The following EIF4E3 variants were observed in gnomAD, a reference collection of about 807,000 sequenced individuals.
The protein encoded by EIF4E3 is eukaryotic translation initiation factor 4E type 3.
A neutral mutation model predicts 31.7 loss-of-function variants in EIF4E3; 26 were observed. The ratio of observed to expected loss-of-function variants is 0.82; its 90% CI spans 0.60 to 1.14. The LOEUF is 1.14. EIF4E3 is among the 50% of genes most tolerant of loss of function. The pLI is 0.00. For synonymous variants in EIF4E3, 128 were observed against 107.7 expected, an observed-to-expected ratio of 1.19 and a Z score of -1.17; for missense variants, 304 against 270.9, an observed-to-expected ratio of 1.12 and a Z score of -0.86.
chr3:71,663,781 A>G, the EIF4E3 span, among the ~76,000 whole-genome samples: 1 of 152,134 alleles, frequency 6.6e-6, no homozygotes, highest in East Asian at 1.9e-4. Flanking sequence ...ACTTACTATG[A>G]CCCAGCCATG....
At chr3:71,749,907 T>C (rs2049909866) in intron 1 of EIF4E3, among the ~76,000 whole-genome samples, 1 of 152,184 alleles carries the variant, frequency 6.6e-6, no homozygotes, top group African/African-American at 2.4e-5. Context: ...TCCTGGCCAA[T>C]GAAATGTGAA....
At chr3:71,686,624 C>T (rs929668333) in intron 6 of EIF4E3, among the ~76,000 whole-genome samples, 106 of 151,610 alleles carry the variant, frequency 7.0e-4, no homozygotes, top group African/African-American at 2.2e-3. Flanking sequence ...GAAGAAAACA[C>T]GCTTTGATCT....
intron 1 of EIF4E3, among the ~76,000 whole-genome samples, chr3:71,741,854 T>C (rs1163996467): frequency 6.6e-6 from 1 of 152,164 alleles, no homozygotes; most frequent in Admixed American, 6.5e-5. Flanking sequence ...AAATCAATAA[T>C]AGCAAGATCT....
At chr3:71,752,832 G>C (rs767823865) in intron 1 of EIF4E3, among the ~76,000 whole-genome samples, 34 of 152,324 alleles carry the variant, frequency 2.2e-4, no homozygotes, top group Non-Finnish European at 4.1e-4. Flanking sequence ...TGTGGGGCTG[G>C]TCCAGGCAGA....
At chr3:71,697,841 T>C (rs1217249255) in intron 3 of EIF4E3, among the ~76,000 whole-genome samples, 1 of 152,242 alleles carries the variant, frequency 6.6e-6, no homozygotes, top group African/African-American at 2.4e-5. Context: ...TGATTCCATA[T>C]CTTGGCTCTT....
chr3:71,727,922 C>G (rs1051412313), upstream of EIF4E3, among the ~76,000 whole-genome samples: 1 of 152,146 alleles, frequency 6.6e-6, no homozygotes, highest in African/African-American at 2.4e-5. Flanking sequence ...AAAATTCCCT[C>G]CAGAATTTAG....
downstream of EIF4E3, among the ~76,000 whole-genome samples, chr3:71,673,922 TATATATATAA>T (rs2048859016): frequency 7.0e-6 from 1 of 142,804 alleles, no homozygotes; most frequent in East Asian, 2.9e-4. Context: ...TATATATATA[TATATATATAA>T]AAAACATAAT....
At chr3:71,700,802 C>T (rs963582366) in intron 2 of EIF4E3, among the ~76,000 whole-genome samples, 12 of 152,192 alleles carry the variant, frequency 7.9e-5, no homozygotes, top group African/African-American at 9.6e-5. Flanking sequence ...CAACAAGCTG[C>T]GCAAGATACA....
intron 1 of EIF4E3, among the ~76,000 whole-genome samples, chr3:71,749,613 C>A (rs2049906927): frequency 6.6e-6 from 1 of 152,128 alleles, no homozygotes; most frequent in African/African-American, 2.4e-5. Flanking sequence ...AGGGTGCCAA[C>A]CAGTTCCTCT....
In EIF4E3 at chr3:71,690,179, A is replaced by G. The variant is rs779394393; in HGVS notation, c.473-14T>C. 1 of 1,589,010 alleles carries G rather than the reference A, an allele frequency of 6.3e-7. No homozygotes were observed. The highest frequency in any genetic ancestry group is 1.2e-5 in the South Asian group (1 of 86,502). ...TTACTTCATCATCTGAGGGGAAGAC[A>G]GGAAAAAAAAAAAATGAGTGATACT... On this transcript the variant is annotated splice_polypyrimidine_tract_variant and intron_variant, in intron 5 of 6. Transcript: ENST00000425534.
rs186105254 is a variant in EIF4E3, at chr3:71,680,684, T to C, written c.*3998A>G. On this transcript the variant is annotated 3_prime_UTR_variant, in exon 7 of 7. Transcript: ENST00000425534. ...GAGGGGCAACCCACTCTAATTGCTA[T>C]AAATGACCACAGGTTCAAAGGGACT... The C allele has an allele frequency of 6.6e-6, 1 of 152,348 alleles. No individual in the cohort carries two copies. Among genetic ancestry groups the C allele is most frequent in the African/African-American group, 2.4e-5 (1 of 41,588 alleles). The allele number at this position is 152,348 out of a possible 1,614,324, so 9.4% of individuals were successfully genotyped here.
At chr3:71,667,112 T>C in the EIF4E3 span, among the ~76,000 whole-genome samples, 2 of 152,132 alleles carry the variant, frequency 1.3e-5, no homozygotes, top group Admixed American at 6.5e-5. Context: ...CACAAATCAA[T>C]AAATGTAATC....
chr3:71,666,497 C>G, the EIF4E3 span, among the ~76,000 whole-genome samples: 1 of 152,142 alleles, frequency 6.6e-6, no homozygotes, highest in Admixed American at 6.5e-5. Context: ...GGATTCACAG[C>G]TGAATTCTAC....
downstream of EIF4E3, among the ~76,000 whole-genome samples, chr3:71,671,729 C>G (rs189196475): frequency 6.6e-6 from 1 of 152,082 alleles, no homozygotes; most frequent in Admixed American, 6.5e-5. Context: ...TAGATTTGTG[C>G]ATGCTGCCCA....
At chr3:71,732,370 T>C (rs73090626) in intron 1 of EIF4E3, among the ~76,000 whole-genome samples, 9,916 of 151,820 alleles carry the variant, frequency 0.065, 475 homozygotes, top group Non-Finnish European at 0.098. Flanking sequence ...CCCAAACTAC[T>C]TTCCTGATTT....
At chr3:71,699,767 T>C in intron 2 of EIF4E3, 59 bp from the exon 3 acceptor site, 1 of 1,427,756 alleles carries the variant, frequency 7.0e-7, no homozygotes, top group Admixed American at 1.9e-5. Context: ...ATTATGCTGC[T>C]AGATTATCAA....
chr3:71,665,959 G>A, the EIF4E3 span, among the ~76,000 whole-genome samples: 1 of 152,174 alleles, frequency 6.6e-6, no homozygotes, highest in Non-Finnish European at 1.5e-5. Context: ...AGTTTTTAGA[G>A]GGAAATTTAT....
At chr3:71,673,909 TTATATATA>T (rs796175405), downstream of EIF4E3, among the ~76,000 whole-genome samples, 2 of 138,130 alleles carry the variant, frequency 1.4e-5, no homozygotes, top group Non-Finnish European at 1.5e-5. Context: ...AATATAATAA[TTATATATA>T]TATATATATA....
At chr3:71,746,015 A>G (rs2049868665) in intron 1 of EIF4E3, among the ~76,000 whole-genome samples, 1 of 152,240 alleles carries the variant, frequency 6.6e-6, no homozygotes, top group Non-Finnish European at 1.5e-5. Context: ...TGCCGTTAGC[A>G]TAATGGTTTT....
Sources: allele counts gnomAD v4.1 joint callset (sites outside exome capture counted in the v4.1 genomes callset), GRCh38; gene constraint gnomAD v4.1.1; transcripts MANE v1.5; gene names NCBI Gene and HGNC (gene_info 2026-07-23, HGNC 2026-07-21).